POTEJ: variants seen among roughly 807,000 people sequenced by gnomAD.
POTEJ encodes POTE ankyrin domain family, member J.
Under a neutral mutation model 69.0 loss-of-function variants are expected in POTEJ, and 11 were observed. That is an observed-to-expected ratio of 0.16 (90% CI 0.10 to 0.26). The LOEUF (loss-of-function observed/expected upper bound fraction) is 0.26, where lower values mean the gene tolerates loss of function less well. POTEJ is among the 10% of genes least tolerant of loss of function. The pLI is 1.00. For synonymous variants in POTEJ, 117 were observed against 381.1 expected (o/e 0.31, Z 8.07); for missense variants, 327 against 1,045.5 (o/e 0.31, Z 9.48).
chr2:130,638,899 G>A (rs1158546154), intron 10 of POTEJ, among the ~76,000 whole-genome samples: 1 of 152,278 alleles, frequency 6.6e-6, no homozygotes, highest in Non-Finnish European at 1.5e-5. Context: ...TTACCATAAT[G>A]TAGAATCAGT....
intron 13 of POTEJ, among the ~76,000 whole-genome samples, chr2:130,648,361 T>C (rs530545840): frequency 7.1e-6 from 1 of 141,590 alleles, no homozygotes; most frequent in South Asian, 2.2e-4. Flanking sequence ...TTTCCATGAC[T>C]GTGGATGAAA....
chr2:130,637,155 G>A (rs554822084), intron 9 of POTEJ, among the ~76,000 whole-genome samples: 13 of 148,998 alleles, frequency 8.7e-5, no homozygotes, highest in South Asian at 2.1e-4. Context: ...TTTTAAAATC[G>A]TTTTGGCTCT....
At chr2:130,638,041 A>G (rs559912083) in intron 9 of POTEJ, among the ~76,000 whole-genome samples, 2 of 148,542 alleles carry the variant, frequency 1.3e-5, no homozygotes, top group South Asian at 4.2e-4. Context: ...AAGAAGCAAA[A>G]TTAGGACTTA....
chr2:130,654,106 ATC>A, intron 13 of POTEJ, among the ~76,000 whole-genome samples: 1 of 63,750 alleles, frequency 1.6e-5, no homozygotes, highest in Non-Finnish European at 3.0e-5. Flanking sequence ...TTTATTTCAC[ATC>A]TCTCTCTCAT....
At chr2:130,639,100 A>G (rs1431335299) in intron 10 of POTEJ, among the ~76,000 whole-genome samples, 8 of 152,414 alleles carry the variant, frequency 5.2e-5, no homozygotes, top group African/African-American at 1.9e-4. Flanking sequence ...GAGGCAGAGT[A>G]GAGGCTGCAA....
In POTEJ at chr2:130,657,554, A is replaced by T. The variant is rs1438753743; in HGVS notation, c.2794A>T (p.Met932Leu). Residue 932 changes from methionine to leucine, a missense_variant, in exon 15 of 15, where the codon ATG (methionine) becomes TTG (leucine). Coordinates refer to ENST00000409602, the MANE Select transcript of POTEJ (RefSeq NM_001277083.2). ...GCTCTTCCAGCCTTGCTTCCTGGGC[A>T]TGGAATCCTGTGGCATCCATGAAAC... ...EALFQPCFLG[M>L]ESCGIHETTF... 6.4e-7 allele frequency: 1 copy of T among 1,561,818 alleles called. No individual in the cohort carries two copies.
intron 10 of POTEJ, among the ~76,000 whole-genome samples, chr2:130,640,873 T>C (rs1266707075): frequency 2.0e-5 from 3 of 152,198 alleles, no homozygotes; most frequent in African/African-American, 7.2e-5. Flanking sequence ...GAGGAATGGC[T>C]ATTGATAGGG....
At chr2:130,655,273 A>G (rs1313654764) in intron 14 of POTEJ, among the ~76,000 whole-genome samples, 2 of 152,146 alleles carry the variant, frequency 1.3e-5, no homozygotes, top group Non-Finnish European at 2.9e-5. Context: ...CCAAAGGAGA[A>G]GTATTTGATG....
At chr2:130,625,212 T>G (rs1685659482) in intron 6 of POTEJ, among the ~76,000 whole-genome samples, 1 of 152,154 alleles carries the variant, frequency 6.6e-6, no homozygotes, top group Non-Finnish European at 1.5e-5. Context: ...ATAATAGAGC[T>G]GTCTCCATTT....
In POTEJ at chr2:130,632,783, G is replaced by T; in HGVS notation, c.1298+127G>T. On this transcript the variant is annotated intron_variant, in intron 9 of 14. Coordinates refer to ENST00000409602, the MANE Select transcript of POTEJ (RefSeq NM_001277083.2). ...GATATTCAGCCTTGCCCATTAATCA[G>T]AAAAATGAAAATCAGCGAACAATGA... The T allele has an allele frequency of 6.1e-6, 8 of 1,320,624 alleles. 1 individual carries two copies. Among genetic ancestry groups the T allele is most frequent in the Non-Finnish European group, 8.3e-6 (8 of 960,956 alleles). The allele number at this position is 1,320,624 out of a possible 1,614,324, so 81.8% of individuals were successfully genotyped here. A position where few individuals can be genotyped will look rare whatever the true frequency, so the allele number is the denominator to read the frequency against.
rs758089141 is a variant in POTEJ, at chr2:130,656,623, A to T, written c.1863A>T (p.Leu621=). The T allele has an allele frequency of 3.1e-6, 5 of 1,609,766 alleles. No individual in the cohort carries two copies. Residue 621 remains leucine, a synonymous_variant, in exon 15 of 15, where the codon CTA becomes CTT. Coordinates refer to ENST00000409602, the MANE Select transcript of POTEJ (RefSeq NM_001277083.2). ...NSMLREEIAM[L]RLELDTMKHQ... is the part of the protein sequence containing the mutation. ...TGTTGCGGGAAGAAATTGCCATGCT[A>T]AGACTGGAGCTAGACACAATGAAAC...
chr2:130,637,965 A>C (rs970387383), intron 9 of POTEJ, among the ~76,000 whole-genome samples: 1 of 147,596 alleles, frequency 6.8e-6, no homozygotes, highest in East Asian at 1.9e-4. Flanking sequence ...TTATGAAAAA[A>C]TTTAGTTACA....
chr2:130,640,878 A>G (rs1686338533), intron 10 of POTEJ, among the ~76,000 whole-genome samples: 1 of 152,198 alleles, frequency 6.6e-6, no homozygotes, highest in Admixed American at 6.5e-5. Context: ...ATGGCTATTG[A>G]TAGGGAGCCA....
chr2:130,625,900 C>T (rs1302629841), intron 6 of POTEJ, among the ~76,000 whole-genome samples: 44 of 133,538 alleles, frequency 3.3e-4, no homozygotes, highest in African/African-American at 1.3e-3. Context: ...ACTAGATGAA[C>T]AGTGGCTAAA....
chr2:130,655,874 CCTT>C (rs1686967513), intron 14 of POTEJ, among the ~76,000 whole-genome samples: 1 of 113,422 alleles, frequency 8.8e-6, no homozygotes, highest in African/African-American at 3.9e-5. Context: ...TTTGACCTCT[CCTT>C]TTAAGAATCG....
chr2:130,613,384 G>GTGTGTATATATA (rs775956806), intron 1 of POTEJ, among the ~76,000 whole-genome samples: 3 of 83,578 alleles, frequency 3.6e-5, no homozygotes, highest in African/African-American at 1.4e-4. Context: ...GTGTGTGTGT[G>GTGTGTATATATA]TATATATATA....
chr2:130,613,304 GTATATA>G (rs1433832003), intron 1 of POTEJ, among the ~76,000 whole-genome samples: 5,369 of 87,270 alleles, frequency 0.062, 486 homozygotes, highest in African/African-American at 0.23. Flanking sequence ...ATATACATAT[GTATATA>G]TACATATATA....
chr2:130,636,372 T>G (rs1211614488), intron 9 of POTEJ, among the ~76,000 whole-genome samples: 1 of 150,372 alleles, frequency 6.7e-6, no homozygotes, highest in Non-Finnish European at 1.5e-5. Context: ...ACAAAGTGAT[T>G]TATCATCTCT....
intron 10 of POTEJ, among the ~76,000 whole-genome samples, chr2:130,641,156 C>A (rs1469121622): frequency 6.6e-6 from 1 of 152,044 alleles, no homozygotes; most frequent in African/African-American, 2.4e-5. Flanking sequence ...TTTACAAAAC[C>A]ATAATGCAGA....
Sources: allele counts gnomAD v4.1 joint callset (sites outside exome capture counted in the v4.1 genomes callset), GRCh38; gene constraint gnomAD v4.1.1; transcripts MANE v1.5; gene names NCBI Gene and HGNC (gene_info 2026-07-23, HGNC 2026-07-21).